The following PARM1 variants were observed in gnomAD, a reference collection of about 807,000 sequenced individuals.
The protein encoded by PARM1 is WSC4, cell wall integrity and stress response component 4 homolog.
Under a neutral mutation model 24.6 loss-of-function variants are expected in PARM1, and 14 were observed. The ratio of observed to expected loss-of-function variants is 0.57; its 90% CI spans 0.38 to 0.89. The LOEUF is 0.89. Ranked by LOEUF, PARM1 falls within the 40% of genes least tolerant of loss-of-function variation. The pLI is 0.00. For missense variants in PARM1, 362 were observed against 380.4 expected, an observed-to-expected ratio of 0.95 and a Z score of 0.40; for synonymous variants, 179 against 156.6, an observed-to-expected ratio of 1.14 and a Z score of -1.07.
intron 1 of PARM1, among the ~76,000 whole-genome samples, chr4:74,981,101 C>A (rs148351332): frequency 0.011 from 1,643 of 152,100 alleles, 37 homozygotes; most frequent in African/African-American, 0.038. Flanking sequence ...CAAAAGCAAA[C>A]ATTGAAAAAT....
intron 2 of PARM1, among the ~76,000 whole-genome samples, chr4:75,017,571 T>A (rs1723011592): frequency 6.6e-6 from 1 of 152,140 alleles, no homozygotes; most frequent in Non-Finnish European, 1.5e-5. Flanking sequence ...CCATCACTAC[T>A]GATCCCTTTC....
At chr4:74,964,375 T>C (rs1394997585) in intron 1 of PARM1, among the ~76,000 whole-genome samples, 1 of 152,208 alleles carries the variant, frequency 6.6e-6, no homozygotes, top group Non-Finnish European at 1.5e-5. Flanking sequence ...CACGTTAAGT[T>C]CCTAGAACAT....
At chr4:74,935,396 A>G (rs927954002) in intron 1 of PARM1, among the ~76,000 whole-genome samples, 1 of 152,208 alleles carries the variant, frequency 6.6e-6, no homozygotes, top group Non-Finnish European at 1.5e-5. Flanking sequence ...TAAATACCTC[A>G]TGAGATTCTT....
At chr4:75,041,811 G>C (rs1723490275) in intron 3 of PARM1, among the ~76,000 whole-genome samples, 2 of 152,236 alleles carry the variant, frequency 1.3e-5, no homozygotes, top group African/African-American at 2.4e-5. Flanking sequence ...AGAGCAATGA[G>C]GGAAGAGTTT....
At chr4:74,979,868 A>G (rs187187859) in intron 1 of PARM1, among the ~76,000 whole-genome samples, 2 of 152,306 alleles carry the variant, frequency 1.3e-5, no homozygotes, top group East Asian at 1.9e-4. Flanking sequence ...GACAAAAACC[A>G]CATGATTATC....
intron 1 of PARM1, among the ~76,000 whole-genome samples, chr4:74,996,261 T>C (rs1257991581): frequency 6.6e-6 from 1 of 152,148 alleles, no homozygotes; most frequent in Non-Finnish European, 1.5e-5. Flanking sequence ...CCACTGAATA[T>C]TGGTGCTGTG....
At chr4:75,024,152 G>A (rs1017014277) in intron 2 of PARM1, among the ~76,000 whole-genome samples, 6 of 151,978 alleles carry the variant, frequency 3.9e-5, no homozygotes, top group Non-Finnish European at 5.9e-5. Context: ...GGCGCCTGTA[G>A]TCCCAGCTAC....
At chr4:74,980,359 A>G (rs755600370) in intron 1 of PARM1, among the ~76,000 whole-genome samples, 3 of 152,156 alleles carry the variant, frequency 2.0e-5, no homozygotes, top group Non-Finnish European at 4.4e-5. Context: ...ACGAACTTCT[A>G]TTCACAATTG....
At position 74,986,215 on chromosome 4, in the gene PARM1, T is replaced by TA. The variant is rs957579974; in HGVS notation, c.44-26201dup. 3.9e-3 allele frequency among the ~76,000 whole-genome samples: 595 copies of TA among 151,484 alleles called. 8 individuals are homozygous for TA. Among genetic ancestry groups the TA allele is most frequent in the African/African-American group, 0.013 (541 of 41,342 alleles). ...AAAGCTTGCTAAAATCTTTCCTGATTAAAAAAAAATGGATTTGGCTAGATT... is the reference window on the plus strand; with the variant it reads ...AAAGCTTGCTAAAATCTTTCCTGATTAAAAAAAAAATGGATTTGGCTAGATT... On this transcript the variant is annotated intron_variant, in intron 1 of 3. Coordinates refer to ENST00000307428, the MANE Select transcript of PARM1 (RefSeq NM_015393.4).
intron 1 of PARM1, among the ~76,000 whole-genome samples, chr4:74,987,961 T>G (rs947255745): frequency 2.6e-5 from 4 of 152,212 alleles, no homozygotes; most frequent in African/African-American, 4.8e-5. Context: ...ATTTACTGTG[T>G]GTCATGTGAG....
intron 2 of PARM1, among the ~76,000 whole-genome samples, chr4:75,025,273 C>T (rs1380970023): frequency 3.9e-5 from 6 of 151,964 alleles, no homozygotes. Context: ...CTGGGGAGCA[C>T]CATTAGCACA....
chr4:74,982,588 C>G (rs1211858381), intron 1 of PARM1, among the ~76,000 whole-genome samples: 2 of 152,124 alleles, frequency 1.3e-5, no homozygotes, highest in African/African-American at 4.8e-5. Flanking sequence ...CACCACTGTT[C>G]TTGAGTATAT....
intron 1 of PARM1, among the ~76,000 whole-genome samples, chr4:74,980,222 A>G (rs900292517): frequency 2.0e-5 from 3 of 152,144 alleles, no homozygotes; most frequent in Admixed American, 6.6e-5. Context: ...AAACCTCATC[A>G]TCTCCGCCCC....
chr4:74,953,112 A>G (rs1327105997), intron 1 of PARM1, among the ~76,000 whole-genome samples: 1 of 152,218 alleles, frequency 6.6e-6, no homozygotes, highest in Non-Finnish European at 1.5e-5. Context: ...TTTATTAAGT[A>G]AGCATGGACG....
chr4:74,958,194 G>A (rs1721684552), intron 1 of PARM1, among the ~76,000 whole-genome samples: 1 of 152,170 alleles, frequency 6.6e-6, no homozygotes, highest in Non-Finnish European at 1.5e-5. Flanking sequence ...GTGGTTGAAA[G>A]GGTGATGACT....
chr4:74,971,357 C>G (rs1019523261), intron 1 of PARM1, among the ~76,000 whole-genome samples: 17 of 152,138 alleles, frequency 1.1e-4, no homozygotes, highest in African/African-American at 3.4e-4. Context: ...ATTCAATTAC[C>G]TCTCACCTGG....
At chr4:74,986,480 A>C (rs1031991227) in intron 1 of PARM1, among the ~76,000 whole-genome samples, 3 of 152,174 alleles carry the variant, frequency 2.0e-5, no homozygotes, top group Admixed American at 1.3e-4. Context: ...CTACATTTCC[A>C]CAAACCAGTA....
intron 1 of PARM1, chr4:74,966,715 T>G (rs748832035): frequency 5.3e-5 from 8 of 151,202 alleles, no homozygotes; most frequent in Admixed American, 1.3e-4. Flanking sequence ...GGTTCGAATT[T>G]GAGTGGTGAC....
chr4:74,938,677 C>T (rs1022134599), intron 1 of PARM1, among the ~76,000 whole-genome samples: 4 of 152,014 alleles, frequency 2.6e-5, no homozygotes, highest in African/African-American at 7.2e-5. Flanking sequence ...TTTTTAGTTA[C>T]AGCTTAAATT....
Sources: gnomAD v4.1 joint callset for allele counts (sites outside exome capture counted in the v4.1 genomes callset) on GRCh38, gnomAD v4.1.1 for gene constraint, MANE v1.5 for transcripts, NCBI Gene and HGNC (gene_info 2026-07-23, HGNC 2026-07-21) for gene names.